Variants in GLB1 observed in about 807,000 individuals in gnomAD.
GLB1 encodes galactosidase beta 1, also known as beta-galactosidase.
A neutral mutation model predicts 74.0 loss-of-function variants in GLB1; 56 were observed. The ratio of observed to expected loss-of-function variants is 0.76; its 90% CI spans 0.61 to 0.94. GLB1 has a LOEUF of 0.94. Among genes scored for constraint, GLB1 ranks in the 40% least tolerant of loss-of-function variants. GLB1 has a pLI of 0.00. For synonymous variants in GLB1, 323 were observed against 323.6 expected, an observed-to-expected ratio of 1.00 and a Z score of 0.02; for missense variants, 787 against 845.5, an observed-to-expected ratio of 0.93 and a Z score of 0.86.
chr3:32,996,997 G>A lies in GLB1; in HGVS notation c.*48C>T. 6.2e-7 allele frequency: 1 copy of A among 1,613,386 alleles called. No individual in the cohort carries two copies. Among genetic ancestry groups the A allele is most frequent in the Non-Finnish European group, 8.5e-7 (1 of 1,179,572 alleles). On this transcript the variant is annotated 3_prime_UTR_variant, in exon 16 of 16. Coordinates refer to ENST00000307363, the MANE Select transcript of GLB1 (RefSeq NM_000404.4). ...AAATGTGGCATGACAGGGAGGATCTGTGAGGTATGTTCAGGGTAGAATCCC... is the reference window on the plus strand; with the variant it reads ...AAATGTGGCATGACAGGGAGGATCTATGAGGTATGTTCAGGGTAGAATCCC...
intron 5 of GLB1, among the ~76,000 whole-genome samples, chr3:33,063,594 A>C (rs546164214): frequency 9.7e-4 from 148 of 152,296 alleles, no homozygotes; most frequent in African/African-American, 3.4e-3. Flanking sequence ...GGCATTTCCA[A>C]AACCAAAAGG....
chr3:33,053,606 T>C, intron 6 of GLB1, 57 bp from the exon 7 acceptor site: 1 of 1,610,828 alleles, frequency 6.2e-7, no homozygotes, highest in Non-Finnish European at 8.5e-7. Flanking sequence ...AGAAGTTAAA[T>C]AACAAGAGCC....
chr3:33,024,459 A>C, intron 10 of GLB1, 134 bp from the exon 11 acceptor site: 1 of 922,858 alleles, frequency 1.1e-6, no homozygotes, highest in South Asian at 1.6e-5. Flanking sequence ...AAATCAAAGG[A>C]ACTAGAGACT....
chr3:33,087,150 C>T (rs533689250), intron 1 of GLB1, among the ~76,000 whole-genome samples: 1 of 152,142 alleles, frequency 6.6e-6, no homozygotes, highest in East Asian at 1.9e-4. Context: ...TGTATGCCAA[C>T]AAATTGGATA....
intron 6 of GLB1, among the ~76,000 whole-genome samples, chr3:33,055,241 C>T (rs754337173): frequency 2.6e-5 from 4 of 152,178 alleles, no homozygotes; most frequent in African/African-American, 9.6e-5. Context: ...CAACCCCTAG[C>T]AGTGACAGTC....
At chr3:33,067,411 A>AC (rs57391655) in intron 4 of GLB1, among the ~76,000 whole-genome samples, 14,119 of 151,244 alleles carry the variant, frequency 0.093, 2,078 homozygotes, top group African/African-American at 0.32. Context: ...CAATCCTCCC[A>AC]CCTCAGCCTC....
Position 33,093,533 on chromosome 3 carries a change from C to A in GLB1, c.75+3478G>T. 1 of 1,614,214 alleles carries A rather than the reference C, an allele frequency of 6.2e-7. No individual in the cohort carries two copies. Among genetic ancestry groups the A allele is most frequent in the South Asian group, 1.1e-5 (1 of 91,080 alleles). On this transcript the variant is annotated intron_variant, in intron 1 of 15. Coordinates refer to ENST00000307363, the MANE Select transcript of GLB1 (RefSeq NM_000404.4). The surrounding 1 kb of genome is among the most constrained non-coding windows in gnomAD (Gnocchi z 6.0). ...CAAACATTTCCATCTTGGTCCTGCC[C>A]ACTGTGGGGCCCAAGTGAATGTCTG...
At chr3:33,026,061 A>T (rs1407193882) in intron 10 of GLB1, among the ~76,000 whole-genome samples, 1 of 152,066 alleles carries the variant, frequency 6.6e-6, no homozygotes, top group African/African-American at 2.4e-5. Context: ...CCCGAGGTAG[A>T]GCTGTGCCCG....
At chr3:32,975,972 T>G in the GLB1 span, among the ~76,000 whole-genome samples, 2 of 152,170 alleles carry the variant, frequency 1.3e-5, no homozygotes, top group Non-Finnish European at 2.9e-5. Context: ...TGAACTTCAT[T>G]TTTATTTTCA....
chr3:33,080,777 C>G (rs1700295076), intron 1 of GLB1, among the ~76,000 whole-genome samples: 2 of 152,236 alleles, frequency 1.3e-5, no homozygotes, highest in Non-Finnish European at 1.5e-5. Context: ...TCTTGGATCA[C>G]TTCTCAAACC....
Position 33,058,162 on chromosome 3 carries a change from A to G in GLB1, c.660T>C (p.Thr220=), listed in dbSNP as rs1439818448. 1 of 1,614,166 alleles carries G rather than the reference A, an allele frequency of 6.2e-7. No individual in the cohort carries two copies. The highest frequency in any genetic ancestry group is 1.1e-5 in the South Asian group (1 of 91,080). Residue 220 remains threonine, a synonymous_variant, in exon 6 of 16, where the codon ACT becomes ACC. Transcript: ENST00000307363. ...HLGDDVVLFT[T]DGAHKTFLKC... ...TCAGGAATGTTTTATGTGCTCCATC[A>G]GTGGTAAACAGAACCACATCATCCC...
intron 9 of GLB1, among the ~76,000 whole-genome samples, chr3:33,049,357 T>C (rs1043005286): frequency 2.6e-5 from 4 of 152,132 alleles, no homozygotes; most frequent in African/African-American, 9.7e-5. Context: ...GTAGGTTTGT[T>C]ACATAGGTAA....
chr3:33,058,303 A>G (rs772203639), intron 5 of GLB1, 34 bp from the exon 6 acceptor site: 2 of 1,613,346 alleles, frequency 1.2e-6, no homozygotes, highest in Admixed American at 1.7e-5. Flanking sequence ...AAAAATGAGG[A>G]GATCCTAATG....
At chr3:32,968,865 C>G in the GLB1 span, among the ~76,000 whole-genome samples, 1 of 152,216 alleles carries the variant, frequency 6.6e-6, no homozygotes, top group Admixed American at 6.5e-5. Flanking sequence ...CGCCCAGTGA[C>G]ATACTTATCC....
intron 10 of GLB1, among the ~76,000 whole-genome samples, chr3:33,044,350 C>A (rs1328629064): frequency 6.6e-6 from 1 of 151,790 alleles, no homozygotes; most frequent in Non-Finnish European, 1.5e-5. Flanking sequence ...TGTTTAGAAG[C>A]AAACAGTAAG....
At chr3:33,077,513 TC>T in intron 1 of GLB1, 1 of 750,110 alleles carries the variant, frequency 1.3e-6, no homozygotes, top group Non-Finnish European at 2.0e-6. Flanking sequence ...CCCACTTCAC[TC>T]CAGAACTCTG....
chr3:33,079,659 A>T (rs1700253641), intron 1 of GLB1, among the ~76,000 whole-genome samples: 1 of 152,256 alleles, frequency 6.6e-6, no homozygotes, highest in Non-Finnish European at 1.5e-5. Context: ...ACAAATACAC[A>T]TACATGATCA....
intron 2 of GLB1, among the ~76,000 whole-genome samples, chr3:33,072,097 A>G (rs866784588): frequency 6.6e-6 from 1 of 152,168 alleles, no homozygotes; most frequent in South Asian, 2.1e-4. Context: ...CTACAGCCAT[A>G]CCTGTGCTAC....
At chr3:33,042,370 CT>C (rs66685286) in intron 10 of GLB1, among the ~76,000 whole-genome samples, 45 of 99,232 alleles carry the variant, frequency 4.5e-4, no homozygotes, top group East Asian at 3.6e-3. Flanking sequence ...TCATCTCCTC[CT>C]TTTTTTTTTT....
Sources: gnomAD v4.1 joint callset for allele counts (sites outside exome capture counted in the v4.1 genomes callset) on GRCh38, gnomAD v4.1.1 for gene constraint, Gnocchi (gnomAD v3.1) non-coding constraint, MANE v1.5 for transcripts, NCBI Gene and HGNC (gene_info 2026-07-23, HGNC 2026-07-21) for gene names.